The following NUP133 variants were observed in gnomAD, a reference collection of about 807,000 sequenced individuals.
NUP133 encodes the protein nucleoporin 133, also known as nuclear pore complex protein Nup133.
Under a neutral mutation model 146.2 loss-of-function variants are expected in NUP133, and 66 were observed. That is an observed-to-expected ratio of 0.45 (90% CI 0.37 to 0.55). The LOEUF is 0.55. NUP133 is among the 20% of genes least tolerant of loss of function. The pLI is 0.00. For synonymous variants in NUP133, 521 were observed against 498.8 expected (o/e 1.04, Z -0.59); for missense variants, 1,277 against 1,374.8 (o/e 0.93, Z 1.12).
chr1:229,471,562 C>T (rs1202047795), intron 14 of NUP133, among the ~76,000 whole-genome samples: 1 of 152,174 alleles, frequency 6.6e-6, no homozygotes, highest in African/African-American at 2.4e-5. Flanking sequence ...TAACCCTTTG[C>T]ATCTTCTACT....
At chr1:229,485,816 G>A (rs1364237273) in intron 11 of NUP133, among the ~76,000 whole-genome samples, 1 of 152,190 alleles carries the variant, frequency 6.6e-6, no homozygotes. Context: ...GCATCATTAC[G>A]TCTTTGAAAA....
At chr1:229,458,446 G>A (rs1028301993) in intron 20 of NUP133, 150 bp from the exon 21 acceptor site, 10 of 570,306 alleles carry the variant, frequency 1.8e-5, no homozygotes, top group East Asian at 2.9e-5. Flanking sequence ...TGAGCAGTAC[G>A]TAACATTGAG....
chr1:229,482,603 A>C (rs1447081690), intron 12 of NUP133, among the ~76,000 whole-genome samples: 1 of 152,222 alleles, frequency 6.6e-6, no homozygotes, highest in African/African-American at 2.4e-5. Flanking sequence ...ATACATGTCT[A>C]AGATAAACTG....
chr1:229,448,923 T>C (rs1018473058), intron 24 of NUP133: 71 of 565,414 alleles, frequency 1.3e-4, no homozygotes, highest in Non-Finnish European at 2.0e-4. Context: ...CAACCTGTGG[T>C]TGTAGATTGT....
intron 13 of NUP133, among the ~76,000 whole-genome samples, chr1:229,476,136 T>G (rs1661069628): frequency 6.6e-6 from 1 of 150,516 alleles, no homozygotes; most frequent in Non-Finnish European, 1.5e-5. Context: ...AAAAAAAAAG[T>G]CTATACAAAA....
chr1:229,502,030 A>T lies in NUP133; in HGVS notation c.374T>A (p.Ile125Asn). The part of the protein sequence containing the change: ...ACLVCKEKLI[I>N]WKIALSPITK... ...AATAGGTGACAGAGCAATCTTCCAAATAATGAGCTTCTCTTTGCACACCAG... is the reference window on the plus strand; with the variant it reads ...AATAGGTGACAGAGCAATCTTCCAATTAATGAGCTTCTCTTTGCACACCAG... Residue 125 changes from isoleucine (I) to asparagine (N), a missense_variant, in exon 3 of 26, where the codon ATT becomes AAT. Physicochemically the swap from Ile to Asn is moderately radical, Grantham distance 149. Around this residue, in one of 3 missense-constraint regions of NUP133, gnomAD observed 319 missense variants for 306.9 expected, o/e 1.04. Transcript: ENST00000261396. 1 of 1,613,952 alleles carries T rather than the reference A, an allele frequency of 6.2e-7. No individual in the cohort carries two copies.
intron 16 of NUP133, among the ~76,000 whole-genome samples, chr1:229,466,096 C>T (rs183088711): frequency 3.2e-4 from 49 of 151,960 alleles, no homozygotes; most frequent in Middle Eastern, 3.4e-3. Flanking sequence ...TTAAATGGAA[C>T]GTTTTAGTCA....
intron 2 of NUP133, among the ~76,000 whole-genome samples, chr1:229,503,692 AT>A (rs1412887739): frequency 1.3e-5 from 2 of 152,232 alleles, no homozygotes; most frequent in Non-Finnish European, 2.9e-5. Context: ...CAACTGAACT[AT>A]CTGCTCAGTA....
chr1:229,495,772 C>G, intron 7 of NUP133, 120 bp downstream of exon 7: 2 of 975,090 alleles, frequency 2.1e-6, no homozygotes, highest in South Asian at 3.4e-5. Context: ...AATCTGATAA[C>G]CATACACTAT....
chr1:229,458,135 A>G, intron 21 of NUP133, 26 bp downstream of exon 21: 1 of 1,602,918 alleles, frequency 6.2e-7, no homozygotes, highest in Non-Finnish European at 8.5e-7. Context: ...ACCAATTTGT[A>G]AATCCTTTTG....
chr1:229,470,865 AGCTGT>A, intron 14 of NUP133, 61 bp from the exon 15 acceptor site: 1 of 1,488,756 alleles, frequency 6.7e-7, no homozygotes, highest in Non-Finnish European at 9.3e-7. Flanking sequence ...AAAATACCAT[AGCTGT>A]ATTTTCCCCA....
intron 15 of NUP133, 127 bp downstream of exon 15, chr1:229,470,451 CTG>C: frequency 1.3e-6 from 1 of 743,672 alleles, no homozygotes; most frequent in South Asian, 1.8e-5. Flanking sequence ...GCCAGAAAAT[CTG>C]GAGTCCAATT....
chr1:229,466,085 A>G (rs1197744726), intron 16 of NUP133, among the ~76,000 whole-genome samples: 1 of 152,186 alleles, frequency 6.6e-6, no homozygotes, highest in East Asian at 1.9e-4. Context: ...ACTAGCTAAA[A>G]TTAAATGGAA....
At chr1:229,500,238 A>C (rs1004332964) in intron 4 of NUP133, among the ~76,000 whole-genome samples, 1 of 151,978 alleles carries the variant, frequency 6.6e-6, no homozygotes, top group African/African-American at 2.4e-5. Flanking sequence ...TTTTATTATT[A>C]ATTTTATCAA....
chr1:229,473,051 A>G (rs1660995560), intron 14 of NUP133, among the ~76,000 whole-genome samples: 1 of 152,064 alleles, frequency 6.6e-6, no homozygotes, highest in Non-Finnish European at 1.5e-5. Flanking sequence ...CAGGAATTTG[A>G]GACCAGCCTG....
rs1222686700 is a variant in NUP133, at chr1:229,490,048, G to T, written c.1101C>A (p.Leu367=). The change falls in exon 9 of 26, where the codon CTC becomes CTA. Residue 367 remains leucine (L), a synonymous_variant. Transcript: ENST00000261396. ...CTATTGTTATCAGAGAGTAATAGAT[G>T]AGACATGGATTGTCTGCTGAGTGCC... ...AAWHSADNPC[L]IYYSLITIED... The T allele has an allele frequency of 2.5e-6, 4 of 1,611,312 alleles. No individual in the cohort carries two copies. Among genetic ancestry groups the T allele is most frequent in the African/African-American group, 2.7e-5 (2 of 74,882 alleles).
intron 9 of NUP133, among the ~76,000 whole-genome samples, chr1:229,489,292 A>G (rs1474738503): frequency 6.6e-6 from 1 of 152,178 alleles, no homozygotes; most frequent in Non-Finnish European, 1.5e-5. Flanking sequence ...AGTAGCTGGG[A>G]CTAGAGGCAT....
At chr1:229,470,874 T>C in intron 14 of NUP133, 70 bp from the exon 15 acceptor site, 1 of 1,425,722 alleles carries the variant, frequency 7.0e-7, no homozygotes, top group Non-Finnish European at 9.8e-7. Context: ...TAGCTGTATT[T>C]TCCCCAGAAG....
chr1:229,487,446 T>C lies in NUP133; in HGVS notation c.1342+20A>G. On this transcript the variant is annotated intron_variant, in intron 10 of 25. Coordinates refer to ENST00000261396, the MANE Select transcript of NUP133 (RefSeq NM_018230.3). Reference sequence around the variant, plus strand: ...GACTAATGAGCTCACCAATCATGCTTTCTAAAACTGCTACTGTACCTTGTG... The same window carrying C: ...GACTAATGAGCTCACCAATCATGCTCTCTAAAACTGCTACTGTACCTTGTG... The C allele has an allele frequency of 6.2e-7, 1 of 1,604,734 alleles. No homozygotes were observed. The highest frequency in any genetic ancestry group is 8.5e-7 in the Non-Finnish European group (1 of 1,177,934).
Sources: gnomAD v4.1 joint callset for allele counts (sites outside exome capture counted in the v4.1 genomes callset) on GRCh38, gnomAD v4.1.1 for gene constraint, gnomAD v4.1.1 regional missense constraint, MANE v1.5 for transcripts, NCBI Gene and HGNC (gene_info 2026-07-23, HGNC 2026-07-21) for gene names.